Variants in ARHGAP18 observed in about 807,000 individuals in gnomAD.
ARHGAP18 encodes Rho GTPase activating protein 18, also known as rho GTPase-activating protein 18.
In ARHGAP18, 67 loss-of-function variants were observed where a neutral mutation model predicts 86.2. That is an observed-to-expected ratio of 0.78 (90% confidence interval 0.64 to 0.95). The LOEUF (loss-of-function observed/expected upper bound fraction) is 0.95. Among genes scored for constraint, ARHGAP18 ranks in the 40% least tolerant of loss-of-function variants. The pLI is 0.00. For synonymous variants in ARHGAP18, 283 were observed against 280.4 expected (o/e 1.01, Z -0.09); for missense variants, 691 against 780.4 (o/e 0.89, Z 1.37).
At chr6:129,649,898 C>T (rs1472875941) in intron 1 of ARHGAP18, among the ~76,000 whole-genome samples, 2 of 147,876 alleles carry the variant, frequency 1.4e-5, no homozygotes, top group Admixed American at 6.8e-5. Context: ...CACTCTACTT[C>T]GTCTTCTTTT....
chr6:129,686,851 C>T (rs1015141150), intron 1 of ARHGAP18, among the ~76,000 whole-genome samples: 31 of 141,662 alleles, frequency 2.2e-4, no homozygotes, highest in African/African-American at 7.8e-4. Flanking sequence ...TGTGCAATGG[C>T]GCGATCTCGG....
intron 4 of ARHGAP18, among the ~76,000 whole-genome samples, chr6:129,633,749 T>A (rs1480620004): frequency 1.3e-5 from 2 of 152,166 alleles, no homozygotes; most frequent in African/African-American, 4.8e-5. Flanking sequence ...AACCATTACA[T>A]GGTTTTCAAG....
Position 129,629,425 on chromosome 6 carries a change from C to T in ARHGAP18, c.714G>A (p.Glu238=). 1 of 1,613,886 alleles carries T rather than the reference C, an allele frequency of 6.2e-7. No homozygotes were observed. Among genetic ancestry groups the T allele is most frequent in the South Asian group, 1.1e-5 (1 of 91,076 alleles). ...AGCTCTCTTTCTGATTGAGTGCTTG[C>T]TCGGCAAATGATACCTCCAGGTTGA... ...TDINLEVSFA[E]QALNQKESSK... The change falls in exon 5 of 15, where the codon GAG becomes GAA. Residue 238 remains glutamate (E), a synonymous_variant. Transcript: ENST00000368149.
intron 1 of ARHGAP18, among the ~76,000 whole-genome samples, chr6:129,689,793 T>C (rs1416124992): frequency 6.6e-6 from 1 of 152,110 alleles, no homozygotes; most frequent in Non-Finnish European, 1.5e-5. Context: ...ATTTCATCAC[T>C]CAGAAAAGGC....
chr6:129,627,425 A>G (rs1022390655), intron 5 of ARHGAP18, among the ~76,000 whole-genome samples: 11 of 152,136 alleles, frequency 7.2e-5, no homozygotes, highest in Admixed American at 1.3e-4. Flanking sequence ...CCAACAGAAA[A>G]CATACAATCA....
chr6:129,681,475 G>C (rs186517498), intron 1 of ARHGAP18, among the ~76,000 whole-genome samples: 60 of 152,278 alleles, frequency 3.9e-4, no homozygotes, highest in African/African-American at 1.4e-3. Context: ...TTCAATGACT[G>C]CTTGTATATA....
At chr6:129,586,084 G>C (rs1405327982) in intron 12 of ARHGAP18, among the ~76,000 whole-genome samples, 4 of 152,200 alleles carry the variant, frequency 2.6e-5, no homozygotes, top group African/African-American at 9.6e-5. Context: ...GTACAAAGCA[G>C]TTATTAAATC....
At chr6:129,660,294 C>T (rs1299223105) in intron 1 of ARHGAP18, among the ~76,000 whole-genome samples, 1 of 152,134 alleles carries the variant, frequency 6.6e-6, no homozygotes, top group Non-Finnish European at 1.5e-5. Flanking sequence ...GATCGCTGAG[C>T]GATGATAAGG....
At chr6:129,678,758 A>C (rs967638966) in intron 1 of ARHGAP18, among the ~76,000 whole-genome samples, 3 of 152,222 alleles carry the variant, frequency 2.0e-5, no homozygotes, top group Non-Finnish European at 4.4e-5. Context: ...TAAAACTTCA[A>C]ATATAGACAT....
chr6:129,592,563 A>T (rs1788539010), intron 12 of ARHGAP18, among the ~76,000 whole-genome samples: 1 of 152,188 alleles, frequency 6.6e-6, no homozygotes. Context: ...GTTAACACTA[A>T]CATTAACCCT....
At chr6:129,625,285 TATATATG>T (rs1237327877) in intron 5 of ARHGAP18, among the ~76,000 whole-genome samples, 1 of 79,336 alleles carries the variant, frequency 1.3e-5, no homozygotes, top group Non-Finnish European at 2.2e-5. Flanking sequence ...TTATATGTAA[TATATATG>T]ATATATGATA....
At chr6:129,687,755 T>A (rs1774453918) in intron 1 of ARHGAP18, among the ~76,000 whole-genome samples, 1 of 151,638 alleles carries the variant, frequency 6.6e-6, no homozygotes, top group Admixed American at 6.6e-5. Flanking sequence ...GGTAACTGTC[T>A]CAGATAGCAT....
Position 129,618,759 on chromosome 6 carries a change from C to G in ARHGAP18, c.880G>C (p.Glu294Gln), listed in dbSNP as rs1283278656. The G allele has an allele frequency of 8.1e-6, 13 of 1,613,604 alleles. No individual in the cohort carries two copies. Among genetic ancestry groups the G allele is most frequent in the Non-Finnish European group, 1.1e-5 (13 of 1,179,898 alleles). Reference protein sequence around the residue: ...MKKVCHLALIELTALYDVLGI... With the variant: ...MKKVCHLALIQLTALYDVLGI... ...AATACATCATAGAGGGCAGTCAGCT[C>G]AATTAGGGCTAAATGGCAAACTTTC... is the stretch of plus-strand genomic sequence containing the variant. Residue 294 changes from glutamate (E) to glutamine (Q), a missense_variant, in exon 6 of 15, where the codon GAG becomes CAG. Coordinates refer to ENST00000368149, the MANE Select transcript of ARHGAP18 (RefSeq NM_033515.3).
intron 9 of ARHGAP18, among the ~76,000 whole-genome samples, chr6:129,607,106 C>A (rs957170946): frequency 6.6e-6 from 1 of 151,888 alleles, no homozygotes; most frequent in Non-Finnish European, 1.5e-5. Flanking sequence ...GTGATCTGCC[C>A]GCCTCAGCCT....
At chr6:129,660,752 T>A (rs17057551) in intron 1 of ARHGAP18, among the ~76,000 whole-genome samples, 3,012 of 152,264 alleles carry the variant, frequency 0.02, 53 homozygotes, top group Non-Finnish European at 0.032. Flanking sequence ...TCTGGAAGTC[T>A]AGGTTGTGCC....
chr6:129,608,156 T>G, intron 8 of ARHGAP18, 104 bp from the exon 9 acceptor site: 1 of 1,335,080 alleles, frequency 7.5e-7, no homozygotes. Context: ...GAGACTCTGC[T>G]CTTTAGACAA....
chr6:129,684,966 T>C (rs2114540753), intron 1 of ARHGAP18, among the ~76,000 whole-genome samples: 1 of 152,286 alleles, frequency 6.6e-6, no homozygotes, highest in South Asian at 2.1e-4. Context: ...CAAAGTAAAC[T>C]GGGCAAATCC....
intron 5 of ARHGAP18, among the ~76,000 whole-genome samples, chr6:129,628,959 A>T (rs1249094579): frequency 6.6e-6 from 1 of 152,254 alleles, no homozygotes; most frequent in Admixed American, 6.5e-5. Context: ...ATAGATAGAT[A>T]TAGAAAAGAA....
chr6:129,656,469 C>T lies in ARHGAP18; in HGVS notation c.114-14451G>A, dbSNP rs1003570747. On this transcript the variant is annotated intron_variant, in intron 1 of 14. Coordinates refer to ENST00000368149, the MANE Select transcript of ARHGAP18 (RefSeq NM_033515.3). ...CAGCTAGGCCAATATGGTGAAACCC[C>T]GTCTCTACTAAAAATACAAAAGTTA... 8.5e-5 allele frequency among the ~76,000 whole-genome samples: 13 copies of T among 152,084 alleles called. 1 individual carries two copies. The highest frequency in any genetic ancestry group is 8.3e-4 in the South Asian group (4 of 4,808).
Sources: allele counts gnomAD v4.1 joint callset (sites outside exome capture counted in the v4.1 genomes callset), GRCh38; gene constraint gnomAD v4.1.1; transcripts MANE v1.5; gene names NCBI Gene and HGNC (gene_info 2026-07-23, HGNC 2026-07-21).